Variants in CNTN4 observed in about 807,000 individuals in gnomAD.
CNTN4 encodes the protein contactin-4.
A neutral mutation model predicts 122.5 loss-of-function variants in CNTN4; 77 were observed. The ratio of observed to expected loss-of-function variants is 0.63; its 90% CI spans 0.52 to 0.76. CNTN4 has a LOEUF of 0.76. CNTN4 is among the 30% of genes least tolerant of loss of function. The pLI is 0.00. For synonymous variants in CNTN4, 512 were observed against 447.0 expected (o/e 1.15, Z -1.83); for missense variants, 1,256 against 1,259.1 (o/e 1.00, Z 0.04).
At chr3:2,195,439 G>T (rs549037342) in intron 2 of CNTN4, among the ~76,000 whole-genome samples, 3 of 152,278 alleles carry the variant, frequency 2.0e-5, no homozygotes, top group African/African-American at 7.2e-5. Context: ...TATATAACCA[G>T]CGGTGGTATA....
chr3:2,969,978 ACAACT>A (rs1692732582), intron 13 of CNTN4, among the ~76,000 whole-genome samples: 1 of 152,130 alleles, frequency 6.6e-6, no homozygotes, highest in Admixed American at 6.5e-5. Flanking sequence ...TGACCCTTGA[ACAACT>A]AAGGGGTTAG....
At position 2,888,432 on chromosome 3, in the gene CNTN4, C is replaced by T. The variant is rs77019237; in HGVS notation, c.940+1208C>T. The stretch of plus-strand genomic sequence containing the variant: ...TTATTTTTTGCCTGATAAGAGACCA[C>T]CAACACAGAATGGTTCTGTCATTCT... On this transcript the variant is annotated intron_variant, in intron 10 of 24. Coordinates refer to ENST00000418658, the MANE Select transcript of CNTN4 (RefSeq NM_175607.3). Among the ~76,000 whole-genome samples, 102 of 152,074 alleles carry T rather than the reference C, an allele frequency of 6.7e-4. 1 individual carries two copies. Among genetic ancestry groups the T allele is most frequent in the African/African-American group, 2.4e-3 (98 of 41,402 alleles).
At chr3:2,423,166 G>A (rs1005217662) in intron 3 of CNTN4, among the ~76,000 whole-genome samples, 1 of 152,180 alleles carries the variant, frequency 6.6e-6, no homozygotes, top group Non-Finnish European at 1.5e-5. Flanking sequence ...AGAAGCTTTT[G>A]TGTAACTGCC....
intron 3 of CNTN4, among the ~76,000 whole-genome samples, chr3:2,357,778 C>T (rs1414982063): frequency 2.6e-5 from 4 of 152,186 alleles, no homozygotes; most frequent in Non-Finnish European, 5.9e-5. Context: ...TCCTGCAACA[C>T]GTAATTTAGC....
At chr3:2,152,233 C>G (rs2035524264) in intron 2 of CNTN4, among the ~76,000 whole-genome samples, 1 of 152,256 alleles carries the variant, frequency 6.6e-6, no homozygotes, top group East Asian at 1.9e-4. Flanking sequence ...GTAGGCCCAG[C>G]TTGTTCCAAG....
intron 14 of CNTN4, 24 bp from the exon 15 acceptor site, chr3:3,026,074 TATTG>T: frequency 6.3e-7 from 1 of 1,599,708 alleles, no homozygotes; most frequent in African/African-American, 1.3e-5. Context: ...TTGTTGTTGT[TATTG>T]TTTGTTTTGT....
chr3:2,901,202 T>C (rs1189442608), intron 11 of CNTN4, among the ~76,000 whole-genome samples: 1 of 152,222 alleles, frequency 6.6e-6, no homozygotes, highest in Admixed American at 6.5e-5. Context: ...AGAAACACTC[T>C]GACAAAGAAA....
rs1019748925 is a variant in CNTN4 at position 3,044,807 on chromosome 3, G to A, written c.2811+1103G>A. On this transcript the variant is annotated intron_variant, in intron 23 of 24. Transcript: ENST00000418658. ...CACCGAGCATAAGCTGAAGCAGGGC[G>A]AGGCATCGCCTCACCTGGGAAGGGC... Among the ~76,000 whole-genome samples, 3 of 152,242 alleles carry A rather than the reference G, an allele frequency of 2.0e-5. No individual in the cohort carries two copies. The South Asian group carries it at 6.2e-4, about 31-fold the overall frequency.
At chr3:2,630,733 C>CGTGTG (rs1559326346) in intron 4 of CNTN4, among the ~76,000 whole-genome samples, 2,245 of 56,998 alleles carry the variant, frequency 0.039, 50 homozygotes, top group African/African-American at 0.11. Context: ...TGTGTGTGTA[C>CGTGTG]TATATGTTTA....
At chr3:2,383,681 C>T (rs1052500302) in intron 3 of CNTN4, among the ~76,000 whole-genome samples, 4 of 148,870 alleles carry the variant, frequency 2.7e-5, no homozygotes, top group Admixed American at 2.7e-4. Context: ...GCCTCCCTTC[C>T]TCTCCCTATC....
At chr3:2,768,671 G>A (rs1206353133) in intron 6 of CNTN4, among the ~76,000 whole-genome samples, 1 of 152,152 alleles carries the variant, frequency 6.6e-6, no homozygotes, top group Non-Finnish European at 1.5e-5. Flanking sequence ...AAGTGGGTTG[G>A]TCCTCTGTGT....
intron 6 of CNTN4, among the ~76,000 whole-genome samples, chr3:2,805,643 C>T (rs952233168): frequency 4.6e-5 from 7 of 152,126 alleles, no homozygotes; most frequent in Admixed American, 6.5e-5. Context: ...ACTGTCTGTG[C>T]ACACTGACCT....
chr3:2,319,095 T>A (rs2043200731), intron 2 of CNTN4, among the ~76,000 whole-genome samples: 1 of 152,146 alleles, frequency 6.6e-6, no homozygotes, highest in Non-Finnish European at 1.5e-5. Context: ...GCAATTTTAT[T>A]ATACCTAGTC....
At chr3:2,456,907 CTAGT>C (rs1285740022) in intron 3 of CNTN4, among the ~76,000 whole-genome samples, 1 of 152,052 alleles carries the variant, frequency 6.6e-6, no homozygotes, top group Non-Finnish European at 1.5e-5. Context: ...TTACTTTGTG[CTAGT>C]CAATGAACTG....
chr3:2,462,885 G>A (rs982887093), intron 3 of CNTN4, among the ~76,000 whole-genome samples: 1 of 152,112 alleles, frequency 6.6e-6, no homozygotes, highest in Admixed American at 6.5e-5. Context: ...TATCATTTCA[G>A]TATGGGACCG....
chr3:2,568,413 T>TGTGTA (rs1161437978), intron 3 of CNTN4, among the ~76,000 whole-genome samples: 1 of 151,964 alleles, frequency 6.6e-6, no homozygotes, highest in Admixed American at 6.6e-5. Flanking sequence ...CCTGTTTTAT[T>TGTGTA]GTGTAGCTTC....
At chr3:2,922,438 G>T (rs2094437680) in intron 12 of CNTN4, among the ~76,000 whole-genome samples, 1 of 151,922 alleles carries the variant, frequency 6.6e-6, no homozygotes, top group Non-Finnish European at 1.5e-5. Flanking sequence ...CTCACAAAAT[G>T]GGAGAATGTT....
chr3:2,558,669 T>A (rs2078821987), intron 3 of CNTN4, among the ~76,000 whole-genome samples: 1 of 152,128 alleles, frequency 6.6e-6, no homozygotes, highest in Non-Finnish European at 1.5e-5. Flanking sequence ...CACATTAGCT[T>A]TAGACAAAGA....
At chr3:2,703,573 G>A (rs955923967) in intron 4 of CNTN4, among the ~76,000 whole-genome samples, 1 of 152,084 alleles carries the variant, frequency 6.6e-6, no homozygotes, top group South Asian at 2.1e-4. Flanking sequence ...GAAATCTTCA[G>A]TAACTTTCAG....
Sources: gnomAD v4.1 joint callset for allele counts (sites outside exome capture counted in the v4.1 genomes callset) on GRCh38, gnomAD v4.1.1 for gene constraint, MANE v1.5 for transcripts, NCBI Gene and HGNC (gene_info 2026-07-23, HGNC 2026-07-21) for gene names.